The following RBM23 variants were observed in gnomAD, a reference collection of about 807,000 sequenced individuals.
RBM23 encodes the protein probable RNA-binding protein 23.
In RBM23, 53 loss-of-function variants were observed where a neutral mutation model predicts 56.2. That is an observed-to-expected ratio of 0.94 (90% confidence interval 0.76 to 1.19). The LOEUF (loss-of-function observed/expected upper bound fraction) is 1.19, where lower values mean the gene tolerates loss of function less well. Ranked by LOEUF, RBM23 falls within the 50% of genes most tolerant of loss-of-function variation. The probability of loss-of-function intolerance (pLI) is 0.00; values close to 1 mark genes in which losing one functional copy is unlikely to be tolerated. For synonymous variants in RBM23, 197 were observed against 198.5 expected (o/e 0.99, Z 0.06); for missense variants, 642 against 590.3 (o/e 1.09, Z -0.91).
At position 22,903,582 on chromosome 14, in the gene RBM23, C is replaced by T. The variant is rs1296212591; in HGVS notation, c.930+679G>A. Reference sequence around the variant, plus strand: ...GAGCAATTCCAATGACAGAATACAACCTACTGCCCTCTGCCCTGTGGGTCA... The same window carrying T: ...GAGCAATTCCAATGACAGAATACAATCTACTGCCCTCTGCCCTGTGGGTCA... On this transcript the variant is annotated intron_variant, in intron 10 of 13. Transcript: ENST00000359890. 10 of 988,364 alleles carry T rather than the reference C, an allele frequency of 1.0e-5. No homozygotes were observed. The East Asian group carries it at 7.9e-4, about 78-fold the overall frequency. The allele number at this position is 988,364 out of a possible 1,614,324, so 61.2% of individuals were successfully genotyped here. A position where few individuals can be genotyped will look rare whatever the true frequency, so the allele number is the denominator to read the frequency against.
chr14:22,908,411 T>C, intron 3 of RBM23, 31 bp from the exon 4 acceptor site: 1 of 1,540,466 alleles, frequency 6.5e-7, no homozygotes, highest in Non-Finnish European at 8.7e-7. Context: ...TTCTTTTTTT[T>C]TTTTTAATTT....
rs1217554511 is a variant in RBM23 at position 22,895,100 on chromosome 14, CTG to C, written c.*6628_*6629del. 6.6e-6 allele frequency: 1 copy of C among 151,794 alleles called. No individual in the cohort carries two copies. The highest frequency in any genetic ancestry group is 1.5e-5 in the Non-Finnish European group (1 of 68,038). 9.4% of individuals were successfully genotyped at this position (151,794 alleles called of 1,614,324 possible). ...TAAGGCCCAGTGCAGTGGCTCAGGA[CTG>C]TAATCCCAGCACTTTGGGAGGCCAA... On this transcript the variant is annotated 3_prime_UTR_variant, in exon 14 of 14. Coordinates refer to ENST00000359890, the MANE Select transcript of RBM23 (RefSeq NM_001077351.2).
chr14:22,918,714 G>A (rs542856203), intron 1 of RBM23, among the ~76,000 whole-genome samples: 1 of 152,106 alleles, frequency 6.6e-6, no homozygotes, highest in Non-Finnish European at 1.5e-5. Flanking sequence ...TAAGTGTCAC[G>A]GCTGCAGAGA....
intron 1 of RBM23, chr14:22,911,896 G>A (rs1289277424): frequency 6.6e-6 from 1 of 152,400 alleles, no homozygotes; most frequent in Admixed American, 6.5e-5. Context: ...GGGCAGCAAT[G>A]TGTGACCCTG....
rs1479341291 is a variant in RBM23, at chr14:22,896,721, T to C, written c.*5009A>G. ...TCCAACTTTTTGAAGTGATCTTTGC[T>C]CAGCTCTTTCCTTGCACCCACCTTC... On this transcript the variant is annotated 3_prime_UTR_variant, in exon 14 of 14. Transcript: ENST00000359890. 1 of 152,236 alleles carries C rather than the reference T, an allele frequency of 6.6e-6. No homozygotes were observed. The highest frequency in any genetic ancestry group is 6.5e-5 in the Admixed American group (1 of 15,286). The allele number at this position is 152,236 out of a possible 1,614,324, so 9.4% of individuals were successfully genotyped here.
chr14:22,910,503 GA>G (rs1330188801), intron 2 of RBM23, among the ~76,000 whole-genome samples: 5 of 147,874 alleles, frequency 3.4e-5, no homozygotes, highest in East Asian at 4.1e-4. Flanking sequence ...CGGTGGGGGG[GA>G]AAGGAAGGGA....
At chr14:22,911,628 A>T (rs2042537721) in intron 1 of RBM23, 2 of 347,578 alleles carry the variant, frequency 5.8e-6, no homozygotes, top group Non-Finnish European at 1.1e-5. Flanking sequence ...ACAGTCAAGG[A>T]TAGTCCGGGC....
At position 22,904,329 on chromosome 14, in the gene RBM23, G is replaced by T; in HGVS notation, c.865-3C>A. 6.2e-7 allele frequency: 1 copy of T among 1,602,636 alleles called. No individual in the cohort carries two copies. Among genetic ancestry groups the T allele is most frequent in the Non-Finnish European group, 8.5e-7 (1 of 1,170,454 alleles). On this transcript the variant is annotated splice_polypyrimidine_tract_variant and splice_region_variant and intron_variant, in intron 9 of 13. Coordinates refer to ENST00000359890, the MANE Select transcript of RBM23 (RefSeq NM_001077351.2). Reference sequence around the variant, plus strand: ...TTCATCAGGACAATATTATCAATCTGTAGAAGAGTGAGAAATTATCAGTAA... The same window carrying T: ...TTCATCAGGACAATATTATCAATCTTTAGAAGAGTGAGAAATTATCAGTAA...
intron 2 of RBM23, among the ~76,000 whole-genome samples, chr14:22,909,997 A>G (rs1194343555): frequency 6.6e-6 from 1 of 151,812 alleles, no homozygotes; most frequent in Non-Finnish European, 1.5e-5. Context: ...TACTAAAAAT[A>G]CAAAAATTAG....
At position 22,896,738 on chromosome 14, in the gene RBM23, C is replaced by T. The variant is rs1358249713; in HGVS notation, c.*4992G>A. The T allele has an allele frequency of 6.6e-6, 1 of 152,228 alleles. No homozygotes were observed. The highest frequency in any genetic ancestry group is 1.5e-5 in the Non-Finnish European group (1 of 68,052). The allele number at this position is 152,228 out of a possible 1,614,324, so 9.4% of individuals were successfully genotyped here. ...ATCTTTGCTCAGCTCTTTCCTTGCA[C>T]CCACCTTCCCACGTGATCTAAGTTG... On this transcript the variant is annotated 3_prime_UTR_variant, in exon 14 of 14. Transcript: ENST00000359890.
chr14:22,903,268 C>G, intron 10 of RBM23: 1 of 985,460 alleles, frequency 1.0e-6, no homozygotes. Flanking sequence ...CAGCAACACA[C>G]TGGTACAAAG....
chr14:22,905,290 G>A, intron 7 of RBM23, 44 bp from the exon 8 acceptor site: 1 of 1,613,846 alleles, frequency 6.2e-7, no homozygotes, highest in Non-Finnish European at 8.5e-7. Context: ...CATAAAGGGA[G>A]ATACAAGCTA....
rs953477342 is a variant in RBM23, at chr14:22,901,055, A to C, written c.*675T>G. The stretch of plus-strand genomic sequence containing the variant: ...CTCCACCTTTTACTAAATTCCTGAA[A>C]GCCCCTAAATGCCTCACAGGACAGA... On this transcript the variant is annotated 3_prime_UTR_variant, in exon 14 of 14. Transcript: ENST00000359890. 8 of 152,272 alleles carry C rather than the reference A, an allele frequency of 5.3e-5. No homozygotes were observed. The highest frequency in any genetic ancestry group is 1.9e-4 in the African/African-American group (8 of 41,444). The allele number at this position is 152,272 out of a possible 1,614,324, so 9.4% of individuals were successfully genotyped here.
At chr14:22,906,470 G>C in intron 4 of RBM23, 102 bp from the exon 5 acceptor site, 7 of 1,353,032 alleles carry the variant, frequency 5.2e-6, no homozygotes, top group Non-Finnish European at 7.1e-6. Context: ...GTGCTGAGAA[G>C]TTCGTATAAC....
chr14:22,903,907 C>G (rs1430257020), intron 10 of RBM23: 1 of 1,199,218 alleles, frequency 8.3e-7, no homozygotes, highest in Non-Finnish European at 1.0e-6. Flanking sequence ...TTATGAGAAA[C>G]ATCAATTCTA....
chr14:22,911,347 G>A lies in RBM23; in HGVS notation c.47C>T (p.Ala16Val), dbSNP rs2042488471. The stretch of plus-strand genomic sequence containing the variant: ...TATTACCTCTTCTTTTTTATAGGGA[G>A]CTTCCAGCATGGCCTCAATCACTAT... ...FDIVIEAMLEAPYKKEEDEQQ... is the reference protein window; with the variant it reads ...FDIVIEAMLEVPYKKEEDEQQ... The change falls in exon 2 of 14, where the codon GCT becomes GTT. Residue 16 changes from alanine (A) to valine (V), a missense_variant. By Grantham distance (64) the Ala-to-Val change is moderately conservative (BLOSUM62 0). Transcript: ENST00000359890. 1 of 1,613,592 alleles carries A rather than the reference G, an allele frequency of 6.2e-7. No individual in the cohort carries two copies. Among genetic ancestry groups the A allele is most frequent in the Admixed American group, 1.7e-5 (1 of 59,998 alleles).
rs142472348 is a variant in RBM23, at chr14:22,897,350, G to T, written c.*4380C>A. The T allele has an allele frequency of 1.3e-5, 2 of 152,192 alleles. No individual in the cohort carries two copies. Among genetic ancestry groups the T allele is most frequent in the African/African-American group, 2.4e-5 (1 of 41,548 alleles). 9.4% of individuals were successfully genotyped at this position (152,192 alleles called of 1,614,324 possible). On this transcript the variant is annotated 3_prime_UTR_variant, in exon 14 of 14. Transcript: ENST00000359890. The stretch of plus-strand genomic sequence containing the variant: ...GTAAGATGACCCACAAGAGGACAAA[G>T]AATACTGAAAAGAGAGATCAACTCC...
rs1168335533 is a variant in RBM23 at position 22,898,420 on chromosome 14, T to C, written c.*3310A>G. 6.6e-6 allele frequency: 1 copy of C among 152,182 alleles called. No homozygotes were observed. The highest frequency in any genetic ancestry group is 1.5e-5 in the Non-Finnish European group (1 of 68,030). The allele number at this position is 152,182 out of a possible 1,614,324, so 9.4% of individuals were successfully genotyped here. ...GTCACCCCTACGCCACCAGCCACCATGTGCAGGTAGATGTTGAGGGAAGTT... is the reference window on the plus strand; with the variant it reads ...GTCACCCCTACGCCACCAGCCACCACGTGCAGGTAGATGTTGAGGGAAGTT... On this transcript the variant is annotated 3_prime_UTR_variant, in exon 14 of 14. Transcript: ENST00000359890.
intron 1 of RBM23, among the ~76,000 whole-genome samples, chr14:22,915,382 T>C (rs1459822526): frequency 6.6e-6 from 1 of 150,792 alleles, no homozygotes; most frequent in Non-Finnish European, 1.5e-5. Context: ...GTATTTTTAG[T>C]AGAGACCAGG....
Sources: gnomAD v4.1 joint callset for allele counts (sites outside exome capture counted in the v4.1 genomes callset) on GRCh38, gnomAD v4.1.1 for gene constraint, MANE v1.5 for transcripts, NCBI Gene and HGNC (gene_info 2026-07-23, HGNC 2026-07-21) for gene names.